DYNC2LI1: variants seen among roughly 807,000 people sequenced by gnomAD.
DYNC2LI1 encodes dynein cytoplasmic 2 light intermediate chain 1, also known as cytoplasmic dynein 2 light intermediate chain 1.
Under a neutral mutation model 51.9 loss-of-function variants are expected in DYNC2LI1, and 45 were observed. That is an observed-to-expected ratio of 0.87 (90% CI 0.68 to 1.11). DYNC2LI1 has a LOEUF of 1.11. DYNC2LI1 is among the 50% of genes most tolerant of loss of function. DYNC2LI1 has a pLI of 0.00. For missense variants in DYNC2LI1, 490 were observed against 417.4 expected, an observed-to-expected ratio of 1.17 and a Z score of -1.51; for synonymous variants, 130 against 137.8, an observed-to-expected ratio of 0.94 and a Z score of 0.40.
chr2:43,792,997 G>T, intron 5 of DYNC2LI1: 1 of 430,392 alleles, frequency 2.3e-6, no homozygotes, highest in Non-Finnish European at 3.8e-6. Flanking sequence ...TCTTCCTTCA[G>T]TTCTTTTGGG....
At chr2:43,785,351 C>T (rs1673477001) in intron 3 of DYNC2LI1, among the ~76,000 whole-genome samples, 1 of 151,976 alleles carries the variant, frequency 6.6e-6, no homozygotes, top group South Asian at 2.1e-4. Context: ...ATAATTTGGC[C>T]TTAAAAAGGA....
At chr2:43,802,809 A>G (rs908109677) in intron 10 of DYNC2LI1, among the ~76,000 whole-genome samples, 4 of 152,216 alleles carry the variant, frequency 2.6e-5, no homozygotes, top group African/African-American at 9.6e-5. Context: ...TTTAGAATAT[A>G]TAAACTCAAC....
the DYNC2LI1 span, among the ~76,000 whole-genome samples, chr2:43,817,437 A>G: frequency 6.6e-6 from 1 of 152,224 alleles, no homozygotes; most frequent in East Asian, 1.9e-4. Context: ...GTGAGCCGAG[A>G]TCGTGCCATT....
intron 12 of DYNC2LI1, among the ~76,000 whole-genome samples, chr2:43,808,519 A>G (rs940739903): frequency 2.0e-5 from 3 of 152,206 alleles, no homozygotes; most frequent in Non-Finnish European, 4.4e-5. Context: ...AGTTATTTAG[A>G]CATTGAACAA....
chr2:43,812,104 G>A (rs1489150170), downstream of DYNC2LI1, among the ~76,000 whole-genome samples: 3 of 151,974 alleles, frequency 2.0e-5, no homozygotes, highest in African/African-American at 7.2e-5. Context: ...AGGCTGGAGT[G>A]CAGTGGTTCC....
intron 6 of DYNC2LI1, among the ~76,000 whole-genome samples, chr2:43,795,480 A>T (rs1273724892): frequency 1.3e-5 from 2 of 151,632 alleles, no homozygotes; most frequent in African/African-American, 2.4e-5. Context: ...CTCCAGCCTG[A>T]CTCCAGAGGG....
chr2:43,783,831 A>G (rs1673400085), intron 3 of DYNC2LI1, among the ~76,000 whole-genome samples: 1 of 152,232 alleles, frequency 6.6e-6, no homozygotes, highest in African/African-American at 2.4e-5. Context: ...CTTTTTGGCT[A>G]TGCTACTCTG....
At chr2:43,818,445 A>G in the DYNC2LI1 span, among the ~76,000 whole-genome samples, 1 of 152,234 alleles carries the variant, frequency 6.6e-6, no homozygotes, top group Non-Finnish European at 1.5e-5. Flanking sequence ...CTGTGTTTCA[A>G]AAAAACAAAA....
At chr2:43,783,641 A>T in intron 3 of DYNC2LI1, 87 bp downstream of exon 3, 1 of 788,604 alleles carries the variant, frequency 1.3e-6, no homozygotes, top group Non-Finnish European at 1.9e-6. Context: ...AAGGAAGGGG[A>T]ACGATTTTGA....
the DYNC2LI1 span, chr2:43,822,814 G>A: frequency 1.7e-5 from 28 of 1,614,052 alleles, no homozygotes; most frequent in Non-Finnish European, 2.4e-5. Flanking sequence ...ACACACTGCT[G>A]AAAATCATGG....
intron 9 of DYNC2LI1, 75 bp downstream of exon 9, chr2:43,800,992 C>G: frequency 1.1e-6 from 1 of 920,314 alleles, no homozygotes; most frequent in Non-Finnish European, 1.6e-6. Context: ...GATTATTGTT[C>G]TACTCAGTCT....
At chr2:43,802,828 A>G (rs1278801274) in intron 10 of DYNC2LI1, among the ~76,000 whole-genome samples, 1 of 152,214 alleles carries the variant, frequency 6.6e-6, no homozygotes, top group Non-Finnish European at 1.5e-5. Flanking sequence ...ACAGAAAAAT[A>G]AATAATCCAA....
intron 5 of DYNC2LI1, among the ~76,000 whole-genome samples, chr2:43,791,728 A>G (rs975768485): frequency 6.6e-6 from 1 of 152,202 alleles, no homozygotes; most frequent in African/African-American, 2.4e-5. Flanking sequence ...AGAAAACAAT[A>G]TTGCCAAATA....
intron 12 of DYNC2LI1, among the ~76,000 whole-genome samples, chr2:43,806,696 C>G (rs987433502): frequency 6.6e-6 from 1 of 152,096 alleles, no homozygotes; most frequent in Non-Finnish European, 1.5e-5. Context: ...AGTTCATATA[C>G]ATCAGTATTA....
At position 43,776,770 on chromosome 2, in the gene DYNC2LI1, CCT is replaced by C; in HGVS notation, c.9-8_9-7del. ...TTTTCCCTCAATTTTGTTTTTTCTG[CCT>C]CTCATGTAGTGAAACTCTCTGGGAA... On this transcript the variant is annotated splice_polypyrimidine_tract_variant and intron_variant, in intron 1 of 12. Coordinates refer to ENST00000260605, the MANE Select transcript of DYNC2LI1 (RefSeq NM_016008.4). 7.2e-7 allele frequency: 1 copy of C among 1,395,142 alleles called. No homozygotes were observed. The highest frequency in any genetic ancestry group is 9.8e-7 in the Non-Finnish European group (1 of 1,023,030). The allele number at this position is 1,395,142 out of a possible 1,614,324, so 86.4% of individuals were successfully genotyped here.
intron 12 of DYNC2LI1, among the ~76,000 whole-genome samples, chr2:43,807,314 A>C (rs1666298128): frequency 6.6e-6 from 1 of 152,156 alleles, no homozygotes; most frequent in African/African-American, 2.4e-5. Flanking sequence ...CAGACTTCAC[A>C]TGGGCACCAG....
chr2:43,825,005 A>G, the DYNC2LI1 span: 17 of 1,613,702 alleles, frequency 1.1e-5, no homozygotes, highest in South Asian at 1.1e-4. Flanking sequence ...CAGGATGGCA[A>G]TTTTGTCAAA....
the DYNC2LI1 span, among the ~76,000 whole-genome samples, chr2:43,820,779 A>C: frequency 6.6e-6 from 1 of 151,994 alleles, no homozygotes; most frequent in Non-Finnish European, 1.5e-5. Context: ...TCAGCCTCCC[A>C]AGTAGCTGGG....
At chr2:43,787,078 C>G (rs1673558756) in intron 3 of DYNC2LI1, 103 bp from the exon 4 acceptor site, 2 of 845,826 alleles carry the variant, frequency 2.4e-6, no homozygotes, top group African/African-American at 3.4e-5. Flanking sequence ...AACTTCTCTA[C>G]TAATAAAGTT....
Sources: gnomAD v4.1 joint callset for allele counts (sites outside exome capture counted in the v4.1 genomes callset) on GRCh38, gnomAD v4.1.1 for gene constraint, MANE v1.5 for transcripts, NCBI Gene and HGNC (gene_info 2026-07-23, HGNC 2026-07-21) for gene names.